Variants in ITPR2 observed in about 807,000 individuals in gnomAD.
The protein encoded by ITPR2 is inositol 1,4,5-trisphosphate receptor type 2.
A neutral mutation model predicts 317.1 loss-of-function variants in ITPR2; 207 were observed. The observed-to-expected ratio is 0.65, with a 90% CI of 0.58 to 0.73. The LOEUF (loss-of-function observed/expected upper bound fraction) is 0.73, where lower values mean the gene tolerates loss of function less well. Ranked by LOEUF, ITPR2 falls within the 30% of genes least tolerant of loss-of-function variation. The probability of loss-of-function intolerance (pLI) is 0.00; values close to 1 mark genes in which losing one functional copy is unlikely to be tolerated. For synonymous variants in ITPR2, 1,156 were observed against 1,149.1 expected (o/e 1.01, Z -0.12); for missense variants, 2,613 against 3,284.0 (o/e 0.80, Z 4.99).
intron 49 of ITPR2, among the ~76,000 whole-genome samples, chr12:26,422,796 A>T (rs909055790): frequency 2.0e-5 from 3 of 152,222 alleles, no homozygotes; most frequent in African/African-American, 4.8e-5. Flanking sequence ...AATTGTATAA[A>T]GAAAAAAAGA....
intron 21 of ITPR2, chr12:26,648,700 C>T (rs1337752765): frequency 1.3e-5 from 2 of 151,876 alleles, no homozygotes; most frequent in Non-Finnish European, 1.5e-5. Flanking sequence ...GGTAACATTG[C>T]TATGACTCCT....
At chr12:26,703,060 C>G (rs1948480226) in intron 9 of ITPR2, among the ~76,000 whole-genome samples, 1 of 152,166 alleles carries the variant, frequency 6.6e-6, no homozygotes, top group Admixed American at 6.5e-5. Context: ...TTTCTGAATA[C>G]CTAAACAATC....
rs550152283 is a variant in ITPR2 at position 26,479,888 on chromosome 12, A to T, written c.6123+1243T>A. Among the ~76,000 whole-genome samples the T allele has an allele frequency of 2.0e-5, 3 of 152,336 alleles. No homozygotes were observed. In the South Asian group the frequency reaches 6.2e-4, roughly 32 times the overall value. ...CAGGAGTTCAATATCAGCCTGGGCA[A>T]CATAGTGAGACCCTGACTCAAAAAA... is the stretch of plus-strand genomic sequence containing the variant. On this transcript the variant is annotated intron_variant, in intron 43 of 56. Transcript: ENST00000381340.
In ITPR2 at chr12:26,563,471, G is replaced by A. The variant is rs571620329; in HGVS notation, c.4631-1519C>T. Among the ~76,000 whole-genome samples, 161 of 152,182 alleles carry A rather than the reference G, an allele frequency of 1.1e-3. 2 individuals are homozygous for A. Among genetic ancestry groups the A allele is most frequent in the African/African-American group, 3.9e-3 (160 of 41,508 alleles). On this transcript the variant is annotated intron_variant, in intron 34 of 56. Transcript: ENST00000381340. ...TGTAATCCCAGCTACTCAGGAAGCTGAGGCAGGAGAATCGCTTGAACCCAG... is the reference window on the plus strand; with the variant it reads ...TGTAATCCCAGCTACTCAGGAAGCTAAGGCAGGAGAATCGCTTGAACCCAG...
intron 2 of ITPR2, among the ~76,000 whole-genome samples, chr12:26,752,938 G>A (rs572842812): frequency 7.2e-5 from 11 of 152,242 alleles, no homozygotes; most frequent in African/African-American, 2.4e-4. Flanking sequence ...GCTAACTTTG[G>A]GTAAGTGGTG....
intron 1 of ITPR2, among the ~76,000 whole-genome samples, chr12:26,796,277 A>G (rs1188439338): frequency 1.3e-5 from 2 of 152,360 alleles, no homozygotes; most frequent in African/African-American, 4.8e-5. Context: ...TCAATAAGAA[A>G]AAGACAACCA....
intron 45 of ITPR2, among the ~76,000 whole-genome samples, chr12:26,456,591 C>T (rs1050194471): frequency 2.0e-5 from 3 of 152,184 alleles, no homozygotes; most frequent in African/African-American, 7.2e-5. Context: ...TTCCACTTTA[C>T]TCTATGGACT....
At chr12:26,771,803 G>A (rs1328912509) in intron 2 of ITPR2, among the ~76,000 whole-genome samples, 5 of 152,190 alleles carry the variant, frequency 3.3e-5, no homozygotes, top group South Asian at 2.1e-4. Context: ...ATAAGCCACC[G>A]TGCCTGGCCT....
intron 45 of ITPR2, among the ~76,000 whole-genome samples, chr12:26,443,991 A>G (rs939291863): frequency 2.4e-4 from 37 of 152,164 alleles, no homozygotes; most frequent in African/African-American, 8.7e-4. Context: ...TAAATCAGTG[A>G]GTGGTGGGAA....
chr12:26,393,002 C>T (rs190451590), intron 54 of ITPR2, among the ~76,000 whole-genome samples: 213 of 152,328 alleles, frequency 1.4e-3, no homozygotes, highest in African/African-American at 4.7e-3. Context: ...TGCTAATCCT[C>T]ACCCTCCAGG....
At chr12:26,679,136 A>G (rs1335716667) in intron 13 of ITPR2, among the ~76,000 whole-genome samples, 1 of 152,210 alleles carries the variant, frequency 6.6e-6, no homozygotes, top group Non-Finnish European at 1.5e-5. Context: ...ATAGCCCATA[A>G]AAGTGGGCCA....
At chr12:26,466,600 T>C (rs549133838) in intron 45 of ITPR2, among the ~76,000 whole-genome samples, 110 of 152,356 alleles carry the variant, frequency 7.2e-4, no homozygotes, top group African/African-American at 2.5e-3. Context: ...TAAAACATAA[T>C]TGAATCCAGT....
intron 37 of ITPR2, among the ~76,000 whole-genome samples, chr12:26,506,782 T>C (rs1943198706): frequency 6.6e-6 from 1 of 152,142 alleles, no homozygotes; most frequent in South Asian, 2.1e-4. Context: ...TGCAATAGGA[T>C]TTTCGTATTT....
chr12:26,580,227 T>G, intron 32 of ITPR2, 72 bp from the exon 33 acceptor site: 1 of 1,394,640 alleles, frequency 7.2e-7, no homozygotes, highest in Non-Finnish European at 9.8e-7. Flanking sequence ...TGGAACCACC[T>G]AAAAATTGTC....
chr12:26,662,947 A>G (rs1947536292), intron 15 of ITPR2, among the ~76,000 whole-genome samples: 1 of 152,156 alleles, frequency 6.6e-6, no homozygotes, highest in South Asian at 2.1e-4. Flanking sequence ...TTGGGATTAC[A>G]GGCTTGAGCC....
At chr12:26,750,702 A>C (rs1465421607) in intron 2 of ITPR2, among the ~76,000 whole-genome samples, 1 of 152,230 alleles carries the variant, frequency 6.6e-6, no homozygotes, top group Non-Finnish European at 1.5e-5. Context: ...CTTAGAAAGG[A>C]AACCAGAAGA....
At chr12:26,489,427 C>T (rs905033906) in intron 39 of ITPR2, among the ~76,000 whole-genome samples, 5 of 152,142 alleles carry the variant, frequency 3.3e-5, no homozygotes, top group Non-Finnish European at 7.3e-5. Flanking sequence ...AAAAGAGATG[C>T]TTATTGCATC....
chr12:26,616,624 C>T lies in ITPR2; in HGVS notation c.3462+4499G>A, dbSNP rs149875338. On this transcript the variant is annotated intron_variant, in intron 26 of 56. Transcript: ENST00000381340. ...AATCGAAAAGTCTGTCAACATAAAA[C>T]GATAGAGTATAGTAGGATAAGTATA... is the stretch of plus-strand genomic sequence containing the variant. Among the ~76,000 whole-genome samples the T allele has an allele frequency of 7.6e-4, 116 of 152,074 alleles. 1 individual carries two copies. The East Asian group carries it at 0.016, about 22-fold the overall frequency.
intron 54 of ITPR2, among the ~76,000 whole-genome samples, chr12:26,392,809 C>T (rs759169744): frequency 6.6e-6 from 1 of 152,212 alleles, no homozygotes; most frequent in African/African-American, 2.4e-5. Context: ...GCAAGATACC[C>T]TATCCTTAGA....
Sources: gnomAD v4.1 joint callset for allele counts (sites outside exome capture counted in the v4.1 genomes callset) on GRCh38, gnomAD v4.1.1 for gene constraint, MANE v1.5 for transcripts, NCBI Gene and HGNC (gene_info 2026-07-23, HGNC 2026-07-21) for gene names.